The following HERC1 variants were observed in gnomAD, a reference collection of about 807,000 sequenced individuals.
HERC1 encodes probable E3 ubiquitin-protein ligase HERC1.
Under a neutral mutation model 554.3 loss-of-function variants are expected in HERC1, and 160 were observed. That is an observed-to-expected ratio of 0.29 (90% CI 0.25 to 0.33). The LOEUF (loss-of-function observed/expected upper bound fraction) is 0.33, where lower values mean the gene tolerates loss of function less well. HERC1 is among the 10% of genes least tolerant of loss of function. HERC1 has a pLI of 1.00. For missense variants in HERC1, 4,919 were observed against 5,918.5 expected, an observed-to-expected ratio of 0.83 and a Z score of 5.54; for synonymous variants, 2,175 against 2,131.7, an observed-to-expected ratio of 1.02 and a Z score of -0.56.
chr15:63,676,846 G>A (rs979565625), intron 37 of HERC1, among the ~76,000 whole-genome samples: 5 of 152,210 alleles, frequency 3.3e-5, no homozygotes, highest in African/African-American at 1.2e-4. Flanking sequence ...ACAATGGGCA[G>A]CATAATGAAC....
intron 2 of HERC1, among the ~76,000 whole-genome samples, chr15:63,769,615 A>G (rs960406268): frequency 6.6e-5 from 10 of 151,966 alleles, no homozygotes; most frequent in African/African-American, 2.4e-4. Flanking sequence ...GCACTTTCGG[A>G]GACTAAGGCA....
chr15:63,731,469 G>GT (rs1475993304), intron 14 of HERC1, among the ~76,000 whole-genome samples: 1 of 151,974 alleles, frequency 6.6e-6, no homozygotes, highest in Non-Finnish European at 1.5e-5. Flanking sequence ...CAACTTTGTT[G>GT]TAACATTCCT....
At chr15:63,609,409 G>C (rs935705991) in intron 77 of HERC1, 143 bp from the exon 78 acceptor site, 1 of 744,294 alleles carries the variant, frequency 1.3e-6, no homozygotes, top group African/African-American at 1.8e-5. Context: ...GACTGGGCCA[G>C]ATAGAATGAG....
intron 1 of HERC1, among the ~76,000 whole-genome samples, chr15:63,822,029 A>C (rs1567163098): frequency 6.6e-6 from 1 of 152,172 alleles, no homozygotes; most frequent in Admixed American, 6.5e-5. Context: ...TTCAGTGAAG[A>C]TCTCTCTACA....
intron 1 of HERC1, among the ~76,000 whole-genome samples, chr15:63,790,597 A>G (rs4984315): frequency 7.3e-6 from 1 of 137,668 alleles, no homozygotes; most frequent in Non-Finnish European, 1.6e-5. Flanking sequence ...TTTTTTTTTT[A>G]AAAAGTACTT....
At chr15:63,738,622 A>G (rs1407434994) in intron 12 of HERC1, among the ~76,000 whole-genome samples, 1 of 152,178 alleles carries the variant, frequency 6.6e-6, no homozygotes, top group Non-Finnish European at 1.5e-5. Context: ...TACAAGAAAC[A>G]GCAGCAATGT....
Position 63,713,648 on chromosome 15 carries a change from G to T in HERC1, c.4168C>A (p.Leu1390Ile), listed in dbSNP as rs764360155. The change falls in exon 23 of 78, where the codon CTC (leucine) becomes ATC (isoleucine). Residue 1390 changes from leucine (L) to isoleucine (I), a missense_variant. By Grantham distance (5) the Leu-to-Ile change is conservative. Around this residue, in one of 11 missense-constraint regions of HERC1, gnomAD observed 1,121 missense variants for 1,244.0 expected, o/e 0.90. Transcript: ENST00000443617. The stretch of plus-strand genomic sequence containing the variant: ...CTACGAGCTACTTCACGGGCTGAGA[G>T]GAAACACTGAAAGATTTCTGTAACA... Reference protein sequence around the residue: ...MTAGKIFQCFLSAREVARSRD... With the variant: ...MTAGKIFQCFISAREVARSRD... 1 of 1,610,174 alleles carries T rather than the reference G, an allele frequency of 6.2e-7. No individual in the cohort carries two copies. Among genetic ancestry groups the T allele is most frequent in the African/African-American group, 1.3e-5 (1 of 74,902 alleles).
intron 12 of HERC1, among the ~76,000 whole-genome samples, chr15:63,746,010 T>G (rs553746407): frequency 7.9e-5 from 12 of 152,232 alleles, no homozygotes; most frequent in African/African-American, 2.9e-4. Flanking sequence ...TCAATTGTTT[T>G]TCTGTTCTTT....
chr15:63,726,775 T>G (rs1374928510), intron 17 of HERC1, among the ~76,000 whole-genome samples: 1 of 152,220 alleles, frequency 6.6e-6, no homozygotes, highest in African/African-American at 2.4e-5. Context: ...ACTCGTATCT[T>G]ACACAAATTA....
rs1329844672 is a variant in HERC1, at chr15:63,775,395, G to T, written c.229C>A (p.His77Asn). 17 of 1,613,832 alleles carry T rather than the reference G, an allele frequency of 1.1e-5. No individual in the cohort carries two copies. Among genetic ancestry groups the T allele is most frequent in the Non-Finnish European group, 1.4e-5 (17 of 1,179,852 alleles). The change falls in exon 2 of 78, where the codon CAC (histidine) becomes AAC (asparagine). Residue 77 changes from histidine (H) to asparagine (N), a missense_variant. This residue lies in a region of HERC1 where 110 missense variants were observed against 99.3 expected (regional missense o/e 1.11). Coordinates refer to ENST00000443617, the MANE Select transcript of HERC1 (RefSeq NM_003922.4). This position sits in a 1 kb window ranked among gnomAD's most constrained non-coding sequence, Gnocchi z 4.0. Reference sequence around the variant, plus strand: ...CTGCTAAGAAGGGCATCCAAATAGTGGTCCTGCTCATCACTTGAAAGAGAC... The same window carrying T: ...CTGCTAAGAAGGGCATCCAAATAGTTGTCCTGCTCATCACTTGAAAGAGAC... ...RESLSSDEQDHYLDALLSSQL... is the reference protein window; with the variant it reads ...RESLSSDEQDNYLDALLSSQL...
At chr15:63,724,350 A>G (rs2073947703) in intron 18 of HERC1, among the ~76,000 whole-genome samples, 1 of 152,228 alleles carries the variant, frequency 6.6e-6, no homozygotes, top group African/African-American at 2.4e-5. Context: ...ACACCAGTCC[A>G]ACATTCACCA....
intron 1 of HERC1, among the ~76,000 whole-genome samples, chr15:63,830,598 C>T (rs1041496683): frequency 1.3e-5 from 2 of 152,146 alleles, no homozygotes; most frequent in African/African-American, 4.8e-5. Context: ...TACACCAATG[C>T]TAACTTCTGG....
At chr15:63,697,090 T>C (rs1013400266) in intron 26 of HERC1, among the ~76,000 whole-genome samples, 15 of 152,174 alleles carry the variant, frequency 9.9e-5, no homozygotes, top group African/African-American at 2.9e-4. Context: ...GACATTAACA[T>C]TGGTACAATA....
chr15:63,625,431 A>G (rs1289075554), intron 71 of HERC1, among the ~76,000 whole-genome samples: 1 of 152,070 alleles, frequency 6.6e-6, no homozygotes, highest in African/African-American at 2.4e-5. Context: ...GGTGGCTCAC[A>G]CCTGTATTCT....
chr15:63,635,872 C>G (rs1315353973), intron 65 of HERC1, 89 bp downstream of exon 65: 10 of 1,268,704 alleles, frequency 7.9e-6, no homozygotes, highest in Non-Finnish European at 1.1e-5. Flanking sequence ...TATATTTTTA[C>G]TATATTTTCT....
chr15:63,679,867 G>A (rs2152995832), intron 36 of HERC1, among the ~76,000 whole-genome samples: 1 of 152,284 alleles, frequency 6.6e-6, no homozygotes, highest in South Asian at 2.1e-4. Flanking sequence ...TTGACTCACT[G>A]TATTCAAATT....
In HERC1 at chr15:63,694,715, C is replaced by T; in HGVS notation, c.5242+59G>A. 2 of 1,606,696 alleles carry T rather than the reference C, an allele frequency of 1.2e-6. No homozygotes were observed. The highest frequency in any genetic ancestry group is 1.7e-6 in the Non-Finnish European group (2 of 1,173,364). ...CACAAAATATAGAACATAACTAGTA[C>T]CATAACCTCGGGCTAAAATGTAACC... On this transcript the variant is annotated intron_variant, in intron 28 of 77. Transcript: ENST00000443617. This position sits in a 1 kb window ranked among gnomAD's most constrained non-coding sequence, Gnocchi z 4.3.
intron 1 of HERC1, among the ~76,000 whole-genome samples, chr15:63,833,238 T>C (rs1014759266): frequency 6.6e-6 from 1 of 152,236 alleles, no homozygotes; most frequent in Non-Finnish European, 1.5e-5. Flanking sequence ...TGTTGTTTTA[T>C]TGGGGCGGGA....
chr15:63,655,365 A>G (rs958205223), intron 50 of HERC1, among the ~76,000 whole-genome samples: 1 of 152,198 alleles, frequency 6.6e-6, no homozygotes, highest in Admixed American at 6.5e-5. Context: ...AAAAGAAACA[A>G]AAAACAAAAG....
Sources: gnomAD v4.1 joint callset for allele counts (sites outside exome capture counted in the v4.1 genomes callset) on GRCh38, gnomAD v4.1.1 for gene constraint, gnomAD v4.1.1 regional missense constraint, Gnocchi (gnomAD v3.1) non-coding constraint, MANE v1.5 for transcripts, NCBI Gene and HGNC (gene_info 2026-07-23, HGNC 2026-07-21) for gene names.